Variants in KCNQ1 observed in about 807,000 individuals in gnomAD.
The protein encoded by KCNQ1 is potassium voltage-gated channel subfamily Q member 1.
In KCNQ1, 49 loss-of-function variants were observed where a neutral mutation model predicts 72.4. The ratio of observed to expected loss-of-function variants is 0.68; its 90% CI spans 0.54 to 0.86. KCNQ1 has a LOEUF of 0.86. KCNQ1 is among the 40% of genes least tolerant of loss of function. The pLI is 0.00. For synonymous variants in KCNQ1, 450 were observed against 412.6 expected (o/e 1.09, Z -1.10); for missense variants, 790 against 945.1 (o/e 0.84, Z 2.15).
intron 1 of KCNQ1, among the ~76,000 whole-genome samples, chr11:2,489,291 G>A (rs1039156561): frequency 1.3e-5 from 2 of 152,136 alleles, no homozygotes; most frequent in African/African-American, 4.8e-5. Flanking sequence ...GTGATTCCCT[G>A]TTGCCACAGA....
rs1380136719 is a variant in KCNQ1, at chr11:2,848,028, G to A, written c.*25G>A. 2.0e-6 allele frequency: 3 copies of A among 1,526,266 alleles called. No homozygotes were observed. Among genetic ancestry groups the A allele is most frequent in the Non-Finnish European group, 2.6e-6 (3 of 1,132,902 alleles). The allele number at this position is 1,526,266 out of a possible 1,614,324, so 94.5% of individuals were successfully genotyped here. On this transcript the variant is annotated 3_prime_UTR_variant, in exon 16 of 16. Coordinates refer to ENST00000155840, the MANE Select transcript of KCNQ1 (RefSeq NM_000218.3). ...AGGAGGGGATGGGGCTGGGGGATGG[G>A]CCTGAGTGAGAGGGGAGGCCAAGAG...
intron 12 of KCNQ1, 61 bp from the exon 13 acceptor site, chr11:2,775,899 C>T: frequency 6.6e-7 from 1 of 1,515,582 alleles, no homozygotes; most frequent in Non-Finnish European, 9.0e-7. Context: ...ACTGCCTGCA[C>T]TTTGAGCCAC....
At chr11:2,499,919 T>C in intron 1 of KCNQ1, among the ~76,000 whole-genome samples, 1 of 152,178 alleles carries the variant, frequency 6.6e-6, no homozygotes, top group South Asian at 2.1e-4. Flanking sequence ...ATATGTTAGA[T>C]CACAAAACAA....
rs1306035730 is a variant in KCNQ1 at position 2,651,899 on chromosome 11, TC to T, written c.1394-10059del. On this transcript the variant is annotated intron_variant, in intron 10 of 15. Transcript: ENST00000155840. This position sits in a 1 kb window ranked among gnomAD's most constrained non-coding sequence, Gnocchi z 6.1. Reference sequence around the variant, plus strand: ...AGGCTGAGGGGGTCATAGCCGAGGGTCCCTCTGGGGCCGCTTGCTCTCCTCC... The same window carrying T: ...AGGCTGAGGGGGTCATAGCCGAGGGTCCTCTGGGGCCGCTTGCTCTCCTCC... 1.5e-5 allele frequency: 6 copies of T among 398,570 alleles called. No individual in the cohort carries two copies. Among genetic ancestry groups the T allele is most frequent in the Non-Finnish European group, 2.2e-5 (5 of 226,162 alleles). 24.7% of individuals were successfully genotyped at this position (398,570 alleles called of 1,614,324 possible).
In KCNQ1 at chr11:2,486,978, A is replaced by G. The variant is rs999678661; in HGVS notation, c.387-40950A>G. Among the ~76,000 whole-genome samples, 1 of 152,250 alleles carries G rather than the reference A, an allele frequency of 6.6e-6. No individual in the cohort carries two copies. The highest frequency in any genetic ancestry group is 2.1e-4 in the South Asian group (1 of 4,834). ...TCCAATGTCATGAAGCTTTTGCCCT[A>G]TGTTTTCTTCTAAGATTTTTATAGT... On this transcript the variant is annotated intron_variant, in intron 1 of 15. Coordinates refer to ENST00000155840, the MANE Select transcript of KCNQ1 (RefSeq NM_000218.3). This position sits in a 1 kb window ranked among gnomAD's most constrained non-coding sequence, Gnocchi z 5.0.
Position 2,588,905 on chromosome 11 carries a change from C to T in KCNQ1, c.1393+51C>T. ...GCCGCGGGGCCGGGAAGGTCACTGCCTTTTTTGGGAGCCCGAGCAAGCCAG... is the reference window on the plus strand; with the variant it reads ...GCCGCGGGGCCGGGAAGGTCACTGCTTTTTTTGGGAGCCCGAGCAAGCCAG... On this transcript the variant is annotated intron_variant, in intron 10 of 15. Transcript: ENST00000155840. The surrounding 1 kb of genome is among the most constrained non-coding windows in gnomAD (Gnocchi z 5.6). The T allele has an allele frequency of 3.1e-6, 5 of 1,600,266 alleles. No homozygotes were observed. The highest frequency in any genetic ancestry group is 2.6e-6 in the Non-Finnish European group (3 of 1,175,474).
chr11:2,448,380 G>A (rs1274174998), intron 1 of KCNQ1, among the ~76,000 whole-genome samples: 2 of 152,220 alleles, frequency 1.3e-5, no homozygotes, highest in East Asian at 1.9e-4. Context: ...CAGAACCCTC[G>A]CGGGTGCGTG....
In KCNQ1 at chr11:2,752,778, C is replaced by T. The variant is rs1359936189; in HGVS notation, c.1515-16066C>T. 6.6e-6 allele frequency among the ~76,000 whole-genome samples: 1 copy of T among 152,214 alleles called. No homozygotes were observed. The highest frequency in any genetic ancestry group is 1.5e-5 in the Non-Finnish European group (1 of 68,038). ...GACATAGGGACTTTGGGAAGACACACACATTCAGACTACAGCACCTTGCTC... is the reference window on the plus strand; with the variant it reads ...GACATAGGGACTTTGGGAAGACACATACATTCAGACTACAGCACCTTGCTC... On this transcript the variant is annotated intron_variant, in intron 11 of 15. Transcript: ENST00000155840. The surrounding 1 kb of genome is among the most constrained non-coding windows in gnomAD (Gnocchi z 5.2).
rs928740556 is a variant in KCNQ1, at chr11:2,567,298, G to T, written c.478-3330G>T. ...AATACAGATGAACCCAGGGTTAGGAGGGTGGCTGGGGCATCACCCACCTGG... is the reference window on the plus strand; with the variant it reads ...AATACAGATGAACCCAGGGTTAGGATGGTGGCTGGGGCATCACCCACCTGG... On this transcript the variant is annotated intron_variant, in intron 2 of 15. Transcript: ENST00000155840. This position sits in a 1 kb window ranked among gnomAD's most constrained non-coding sequence, Gnocchi z 6.6. 1.3e-5 allele frequency among the ~76,000 whole-genome samples: 2 copies of T among 152,160 alleles called. No homozygotes were observed. The highest frequency in any genetic ancestry group is 6.5e-5 in the Admixed American group (1 of 15,288).
At chr11:2,776,104 C>T (rs1315025487) in intron 13 of KCNQ1, 50 bp downstream of exon 13, 4 of 1,451,034 alleles carry the variant, frequency 2.8e-6, no homozygotes, top group Admixed American at 4.0e-5. Flanking sequence ...CCTGCCCAGC[C>T]CGGCCCCAGC....
rs929912659 is a variant in KCNQ1 at position 2,769,771 on chromosome 11, G to A, written c.1590+852G>A. The stretch of plus-strand genomic sequence containing the variant: ...TCCCTTGGAGCGGGGGGCGTGTGAC[G>A]TGCTTGAGTGAGTGCGTGTCTGCAG... On this transcript the variant is annotated intron_variant, in intron 12 of 15. Transcript: ENST00000155840. The surrounding 1 kb of genome is among the most constrained non-coding windows in gnomAD (Gnocchi z 4.6). 3.3e-5 allele frequency among the ~76,000 whole-genome samples: 5 copies of A among 152,280 alleles called. No homozygotes were observed. Among genetic ancestry groups the A allele is most frequent in the East Asian group, 1.9e-4 (1 of 5,176 alleles).
rs1850428359 is a variant in KCNQ1, at chr11:2,683,236, G to A, written c.1514+21155G>A. 2.5e-6 allele frequency: 1 copy of A among 398,532 alleles called. No homozygotes were observed. Among genetic ancestry groups the A allele is most frequent in the Non-Finnish European group, 4.4e-6 (1 of 226,078 alleles). The allele number at this position is 398,532 out of a possible 1,614,324, so 24.7% of individuals were successfully genotyped here. A position where few individuals can be genotyped will look rare whatever the true frequency, so the allele number is the denominator to read the frequency against. On this transcript the variant is annotated intron_variant, in intron 11 of 15. Coordinates refer to ENST00000155840, the MANE Select transcript of KCNQ1 (RefSeq NM_000218.3). This position sits in a 1 kb window ranked among gnomAD's most constrained non-coding sequence, Gnocchi z 4.7. ...GGAACTAGAGGTGAGATACAGAGCA[G>A]GAGTCCATGGCACCTCCAGAACCTG...
chr11:2,510,681 T>G (rs1459860540), intron 1 of KCNQ1, among the ~76,000 whole-genome samples: 1 of 152,212 alleles, frequency 6.6e-6, no homozygotes, highest in Admixed American at 6.5e-5. Flanking sequence ...GCCGCACTGG[T>G]GTTGTTCCAC....
intron 15 of KCNQ1, among the ~76,000 whole-genome samples, chr11:2,834,320 G>T (rs1224563365): frequency 6.6e-6 from 1 of 152,158 alleles, no homozygotes; most frequent in Non-Finnish European, 1.5e-5. Context: ...CCCAGGTGCG[G>T]TGCTGAGGCT....
At chr11:2,622,582 C>T (rs893667692) in intron 10 of KCNQ1, 3 of 398,464 alleles carry the variant, frequency 7.5e-6, no homozygotes, top group Non-Finnish European at 1.3e-5. Context: ...ACATTTTGTG[C>T]CTTTTCTTTT....
chr11:2,722,734 C>G (rs760781472), intron 11 of KCNQ1, among the ~76,000 whole-genome samples: 13 of 152,028 alleles, frequency 8.6e-5, no homozygotes, highest in Non-Finnish European at 1.6e-4. Flanking sequence ...CCTCTTGGAA[C>G]TTAGTGAGGT....
chr11:2,797,953 C>T (rs1057370411), intron 15 of KCNQ1, among the ~76,000 whole-genome samples: 1 of 152,206 alleles, frequency 6.6e-6, no homozygotes, highest in Non-Finnish European at 1.5e-5. Context: ...TCATGGCCAA[C>T]CCAGGGCACC....
At chr11:2,594,345 CT>C (rs991515320) in intron 10 of KCNQ1, among the ~76,000 whole-genome samples, 1 of 152,160 alleles carries the variant, frequency 6.6e-6, no homozygotes, top group Non-Finnish European at 1.5e-5. Context: ...CTTCAGAAAC[CT>C]TCCTTTTGAC....
rs990097417 is a variant in KCNQ1, at chr11:2,599,094, CT to C, written c.1393+10246del. Among the ~76,000 whole-genome samples the C allele has an allele frequency of 1.6e-4, 25 of 152,282 alleles. No homozygotes were observed. The highest frequency in any genetic ancestry group is 5.5e-4 in the African/African-American group (23 of 41,568). On this transcript the variant is annotated intron_variant, in intron 10 of 15. Coordinates refer to ENST00000155840, the MANE Select transcript of KCNQ1 (RefSeq NM_000218.3). The surrounding 1 kb of genome is among the most constrained non-coding windows in gnomAD (Gnocchi z 4.7). Reference sequence around the variant, plus strand: ...GGAATAGATGTGTTTCAGTACAGAACTTTTTTCTTATGTTTGCTTGGGCTCC... The same window carrying C: ...GGAATAGATGTGTTTCAGTACAGAACTTTTTCTTATGTTTGCTTGGGCTCC...
Sources: allele counts gnomAD v4.1 joint callset (sites outside exome capture counted in the v4.1 genomes callset), GRCh38; gene constraint gnomAD v4.1.1; non-coding constraint Gnocchi (gnomAD v3.1); transcripts MANE v1.5; gene names NCBI Gene and HGNC (gene_info 2026-07-23, HGNC 2026-07-21).